THSD7B: variants seen among roughly 807,000 people sequenced by gnomAD.
THSD7B encodes thrombospondin type 1 domain containing 7B, also known as thrombospondin type-1 domain-containing protein 7B.
In THSD7B, 138 loss-of-function variants were observed where a neutral mutation model predicts 213.6. The observed-to-expected ratio is 0.65, with a 90% confidence interval of 0.56 to 0.74. The LOEUF (loss-of-function observed/expected upper bound fraction) is 0.74, where lower values mean the gene tolerates loss of function less well. Among genes scored for constraint, THSD7B ranks in the 30% least tolerant of loss-of-function variants. The pLI is 0.00. For synonymous variants in THSD7B, 742 were observed against 687.0 expected, an observed-to-expected ratio of 1.08 and a Z score of -1.25; for missense variants, 1,931 against 1,991.5, an observed-to-expected ratio of 0.97 and a Z score of 0.58.
rs145628613 is a variant in THSD7B, at chr2:137,399,296, G to A, written c.2501-6317G>A. ...CAGCATCCACCTCCTGGATTCAAGC[G>A]ATTTTCCTCCCTCAGCCCCTTGAAT... On this transcript the variant is annotated intron_variant, in intron 12 of 27. Coordinates refer to ENST00000409968, the MANE Select transcript of THSD7B (RefSeq NM_001316349.2). Among the ~76,000 whole-genome samples the A allele has an allele frequency of 9.0e-4, 137 of 151,478 alleles. 1 individual carries two copies. The highest frequency in any genetic ancestry group is 6.8e-3 in the Middle Eastern group (2 of 292).
intron 5 of THSD7B, among the ~76,000 whole-genome samples, chr2:137,151,065 T>C (rs1488104724): frequency 6.6e-6 from 1 of 152,196 alleles, no homozygotes; most frequent in Non-Finnish European, 1.5e-5. Flanking sequence ...GATGTTACTG[T>C]ACACTACTGT....
chr2:137,428,240 C>G (rs567451367), intron 14 of THSD7B, among the ~76,000 whole-genome samples: 5 of 152,108 alleles, frequency 3.3e-5, no homozygotes, highest in African/African-American at 1.2e-4. Context: ...AACTACAGAC[C>G]AAAGCCCAAT....
intron 12 of THSD7B, among the ~76,000 whole-genome samples, chr2:137,401,981 T>C (rs1428372414): frequency 6.6e-6 from 1 of 152,186 alleles, no homozygotes; most frequent in Non-Finnish European, 1.5e-5. Context: ...ATTCTTCACA[T>C]ACTAAGGATG....
intron 15 of THSD7B, among the ~76,000 whole-genome samples, chr2:137,523,535 A>C (rs748068012): frequency 9.2e-5 from 14 of 152,304 alleles, no homozygotes; most frequent in Non-Finnish European, 1.6e-4. Flanking sequence ...TGTCACTGAA[A>C]ATTTTCAAGA....
At chr2:136,950,078 C>T (rs1685008746) in intron 2 of THSD7B, among the ~76,000 whole-genome samples, 1 of 151,994 alleles carries the variant, frequency 6.6e-6, no homozygotes, top group South Asian at 2.1e-4. Flanking sequence ...ATGGTGAAAC[C>T]CTGTCTCTAC....
intron 2 of THSD7B, among the ~76,000 whole-genome samples, chr2:137,006,998 A>G (rs1686125502): frequency 6.6e-6 from 1 of 152,244 alleles, no homozygotes; most frequent in Non-Finnish European, 1.5e-5. Context: ...AGTATTGCTC[A>G]AAACATTTCT....
rs867924751 is a variant in THSD7B, at chr2:137,131,874, G to C, written c.1369+16581G>C. 2.6e-5 allele frequency among the ~76,000 whole-genome samples: 4 copies of C among 152,108 alleles called. 1 individual carries two copies. The highest frequency in any genetic ancestry group is 7.2e-5 in the African/African-American group (3 of 41,470). On this transcript the variant is annotated intron_variant, in intron 5 of 27. Transcript: ENST00000409968. Reference sequence around the variant, plus strand: ...ACTTGGCAATGTGGGCTCTTTTTTGGTTCCATATGAACTTTAAAGTAGTTT... The same window carrying C: ...ACTTGGCAATGTGGGCTCTTTTTTGCTTCCATATGAACTTTAAAGTAGTTT...
At chr2:136,994,720 G>A (rs1176962407) in intron 2 of THSD7B, among the ~76,000 whole-genome samples, 1 of 152,130 alleles carries the variant, frequency 6.6e-6, no homozygotes, top group Non-Finnish European at 1.5e-5. Context: ...ACACGTATAT[G>A]TACAACAAGT....
chr2:137,359,900 T>A (rs1176025397), intron 12 of THSD7B, among the ~76,000 whole-genome samples: 1 of 152,188 alleles, frequency 6.6e-6, no homozygotes, highest in South Asian at 2.1e-4. Context: ...ATTCAAAATA[T>A]TTGTATTGAA....
intron 2 of THSD7B, among the ~76,000 whole-genome samples, chr2:136,916,046 C>T (rs892110440): frequency 1.3e-5 from 2 of 152,216 alleles, no homozygotes; most frequent in African/African-American, 4.8e-5. Flanking sequence ...CGATTGCTTT[C>T]TTTCCCTAGT....
At chr2:136,844,492 G>GAGAGAGAGAGAGAGAGAA (rs1682970545) in intron 1 of THSD7B, among the ~76,000 whole-genome samples, 3 of 141,470 alleles carry the variant, frequency 2.1e-5, no homozygotes, top group African/African-American at 8.2e-5. Flanking sequence ...GAGAGAGAGA[G>GAGAGAGAGAGAGAGAGAA]AGACAGAGAG....
chr2:137,332,209 C>A (rs993816305), intron 12 of THSD7B, among the ~76,000 whole-genome samples: 1 of 152,112 alleles, frequency 6.6e-6, no homozygotes, highest in African/African-American at 2.4e-5. Context: ...TGCAAAGCCA[C>A]GGGACAGAGC....
intron 7 of THSD7B, among the ~76,000 whole-genome samples, chr2:137,181,911 TTTAA>T (rs1314381554): frequency 2.6e-5 from 4 of 152,178 alleles, no homozygotes; most frequent in Non-Finnish European, 5.9e-5. Context: ...CATAAATGAT[TTTAA>T]TTAATCAATT....
At chr2:137,110,521 G>T (rs1688329525) in intron 4 of THSD7B, among the ~76,000 whole-genome samples, 1 of 152,138 alleles carries the variant, frequency 6.6e-6, no homozygotes. Flanking sequence ...GGCTGACAAT[G>T]TGCTCTCTCA....
At position 136,890,452 on chromosome 2, in the gene THSD7B, TTC is replaced by T. The variant is rs1429950982; in HGVS notation, c.139+8137_139+8138del. 9.5e-3 allele frequency among the ~76,000 whole-genome samples: 15 copies of T among 1,580 alleles called. 4 individuals carry two copies. Among genetic ancestry groups the T allele is most frequent in the Non-Finnish European group, 0.012 (3 of 246 alleles). 1.0% of individuals were successfully genotyped at this position (1,580 alleles called of 152,430 possible). ...CTTCTTCTTCTTCTTCTTCTTCTTC[TTC>T]TTCTTCTCCTTTCTTCTCCTTTCTT... On this transcript the variant is annotated intron_variant, in intron 2 of 27. Transcript: ENST00000409968.
At chr2:137,469,950 T>C (rs1398377616) in intron 15 of THSD7B, among the ~76,000 whole-genome samples, 1 of 152,252 alleles carries the variant, frequency 6.6e-6, no homozygotes, top group Admixed American at 6.5e-5. Flanking sequence ...CCATACCAGA[T>C]GTTTCAAATG....
chr2:137,560,969 T>C (rs1287085782), intron 15 of THSD7B, among the ~76,000 whole-genome samples: 1 of 152,058 alleles, frequency 6.6e-6, no homozygotes, highest in Non-Finnish European at 1.5e-5. Context: ...AGCAAGAGGG[T>C]AAGGATTTGT....
intron 12 of THSD7B, among the ~76,000 whole-genome samples, chr2:137,344,187 C>T (rs979548238): frequency 5.3e-5 from 8 of 151,530 alleles, no homozygotes; most frequent in Admixed American, 4.6e-4. Flanking sequence ...AGTTTCATCC[C>T]GAAGCCACTC....
chr2:137,387,163 A>C (rs1411223696), intron 12 of THSD7B, among the ~76,000 whole-genome samples: 2 of 152,200 alleles, frequency 1.3e-5, no homozygotes, highest in African/African-American at 4.8e-5. Context: ...AGCTTGTTAG[A>C]TACTTTGCAT....
Sources: allele counts gnomAD v4.1 joint callset (sites outside exome capture counted in the v4.1 genomes callset), GRCh38; gene constraint gnomAD v4.1.1; transcripts MANE v1.5; gene names NCBI Gene and HGNC (gene_info 2026-07-23, HGNC 2026-07-21).